Variants in STOX2 observed in about 807,000 individuals in gnomAD.
STOX2 encodes storkhead box 2.
A neutral mutation model predicts 60.9 loss-of-function variants in STOX2; 28 were observed. The ratio of observed to expected loss-of-function variants is 0.46; its 90% confidence interval spans 0.34 to 0.63. The LOEUF (loss-of-function observed/expected upper bound fraction) is 0.63, where lower values mean the gene tolerates loss of function less well. Ranked by LOEUF, STOX2 falls within the 30% of genes least tolerant of loss-of-function variation. The probability of loss-of-function intolerance (pLI) is 0.01; values close to 1 mark genes in which losing one functional copy is unlikely to be tolerated. For missense variants in STOX2, 1,024 were observed against 1,187.7 expected, an observed-to-expected ratio of 0.86 and a Z score of 2.03; for synonymous variants, 472 against 463.9, an observed-to-expected ratio of 1.02 and a Z score of -0.22.
chr4:183,872,725 A>G (rs1740723232), intron 1 of STOX2, among the ~76,000 whole-genome samples: 1 of 152,170 alleles, frequency 6.6e-6, no homozygotes, highest in South Asian at 2.1e-4. Flanking sequence ...GTAAATAAAC[A>G]AGATAAACCC....
chr4:184,001,192 T>A lies in STOX2; in HGVS notation c.167-133T>A. 1 of 776,944 alleles carries A rather than the reference T, an allele frequency of 1.3e-6. No individual in the cohort carries two copies. Among genetic ancestry groups the A allele is most frequent in the South Asian group, 1.9e-5 (1 of 52,266 alleles). 48.1% of individuals were successfully genotyped at this position (776,944 alleles called of 1,614,324 possible). On this transcript the variant is annotated intron_variant, in intron 1 of 3. Transcript: ENST00000308497. This position sits in a 1 kb window ranked among gnomAD's most constrained non-coding sequence, Gnocchi z 4.2. Reference sequence around the variant, plus strand: ...TGTGGCTTCTGTGTTCAGAGTGGAATTGGCAAGCAGCTGCTATGTTCGGAG... The same window carrying A: ...TGTGGCTTCTGTGTTCAGAGTGGAAATGGCAAGCAGCTGCTATGTTCGGAG...
chr4:183,873,974 G>A (rs953448512), intron 1 of STOX2, among the ~76,000 whole-genome samples: 2 of 152,158 alleles, frequency 1.3e-5, no homozygotes, highest in African/African-American at 2.4e-5. Context: ...GCTGAGGTCC[G>A]GGTACTTGCC....
At chr4:183,893,857 C>G (rs578188532) in intron 1 of STOX2, among the ~76,000 whole-genome samples, 2 of 152,274 alleles carry the variant, frequency 1.3e-5, no homozygotes, top group Admixed American at 6.5e-5. Context: ...GCATTTTGTT[C>G]TAGTGTAATT....
At chr4:183,895,629 C>A (rs1379378584) in intron 1 of STOX2, among the ~76,000 whole-genome samples, 1 of 152,224 alleles carries the variant, frequency 6.6e-6, no homozygotes, top group Non-Finnish European at 1.5e-5. Context: ...CCTTAGGAGG[C>A]AGATTCCTTA....
chr4:184,011,743 A>T lies in STOX2; in HGVS notation c.2585+320A>T. The T allele has an allele frequency of 1.2e-6, 1 of 801,166 alleles. No homozygotes were observed. Among genetic ancestry groups the T allele is most frequent in the Non-Finnish European group, 1.7e-6 (1 of 581,764 alleles). 49.6% of individuals were successfully genotyped at this position (801,166 alleles called of 1,614,324 possible). A position where few individuals can be genotyped will look rare whatever the true frequency, so the allele number is the denominator to read the frequency against. ...TATTGCCACCCATGCTAAGAGAAGG[A>T]TGTTTTTTAAGTCCTTCAAAAATAG... On this transcript the variant is annotated intron_variant, in intron 3 of 3. Coordinates refer to ENST00000308497, the MANE Select transcript of STOX2 (RefSeq NM_020225.3). The surrounding 1 kb of genome is among the most constrained non-coding windows in gnomAD (Gnocchi z 4.4).
chr4:183,834,821 C>G (rs1055896187), intron 1 of STOX2, among the ~76,000 whole-genome samples: 1 of 152,158 alleles, frequency 6.6e-6, no homozygotes, highest in Non-Finnish European at 1.5e-5. Context: ...GTGCTAGGAA[C>G]TGAGATTCCT....
At chr4:183,898,036 A>G (rs1406589956) in intron 1 of STOX2, among the ~76,000 whole-genome samples, 1 of 152,188 alleles carries the variant, frequency 6.6e-6, no homozygotes, top group Non-Finnish European at 1.5e-5. Flanking sequence ...ATAGGATTAC[A>G]TATATTTTAT....
At chr4:184,007,134 T>C (rs1263848040) in intron 2 of STOX2, among the ~76,000 whole-genome samples, 4 of 151,674 alleles carry the variant, frequency 2.6e-5, no homozygotes, top group African/African-American at 9.7e-5. Context: ...AAGGAAACCA[T>C]GCGACTCAAA....
intron 1 of STOX2, among the ~76,000 whole-genome samples, chr4:183,916,434 ATCACTTATTT>A (rs1378533835): frequency 3.9e-5 from 6 of 152,190 alleles, no homozygotes; most frequent in Admixed American, 1.3e-4. Context: ...ACTTGGAGAA[ATCACTTATTT>A]TCTCAGGACC....
At chr4:183,958,731 C>T (rs1366502260) in intron 1 of STOX2, among the ~76,000 whole-genome samples, 2 of 152,174 alleles carry the variant, frequency 1.3e-5, no homozygotes, top group Non-Finnish European at 2.9e-5. Flanking sequence ...ACCTTTAACA[C>T]CCCAAGTAGC....
chr4:183,850,116 A>G (rs994872418), intron 1 of STOX2, among the ~76,000 whole-genome samples: 3 of 151,984 alleles, frequency 2.0e-5, no homozygotes, highest in Admixed American at 6.6e-5. Context: ...GGCTCCAGCC[A>G]CCACAGCTGG....
intron 1 of STOX2, among the ~76,000 whole-genome samples, chr4:183,913,064 G>T (rs778275482): frequency 5.3e-5 from 8 of 152,116 alleles, no homozygotes; most frequent in Non-Finnish European, 1.0e-4. Flanking sequence ...GAGAACAGAA[G>T]GACGTTGCTT....
At chr4:183,803,066 C>T (rs1475684843) in intron 1 of STOX2, among the ~76,000 whole-genome samples, 1 of 152,236 alleles carries the variant, frequency 6.6e-6, no homozygotes, top group Non-Finnish European at 1.5e-5. Flanking sequence ...GAGCAAGTCA[C>T]ATCTTACGTG....
intron 1 of STOX2, among the ~76,000 whole-genome samples, chr4:183,907,381 G>A (rs1741651705): frequency 6.6e-6 from 1 of 152,196 alleles, no homozygotes; most frequent in Non-Finnish European, 1.5e-5. Flanking sequence ...GGTTCCATGC[G>A]CAGCTCTGGA....
chr4:183,916,553 C>G (rs771382327), intron 1 of STOX2, among the ~76,000 whole-genome samples: 2 of 152,100 alleles, frequency 1.3e-5, no homozygotes, highest in Non-Finnish European at 2.9e-5. Flanking sequence ...AAGCTTGGTA[C>G]AATGGAAGCA....
At position 184,023,302 on chromosome 4, in the gene STOX2, T is replaced by G. The variant is rs1251830966; in HGVS notation, c.*6018T>G. The G allele has an allele frequency of 6.6e-6, 1 of 152,224 alleles. No individual in the cohort carries two copies. The highest frequency in any genetic ancestry group is 2.4e-5 in the African/African-American group (1 of 41,462). 9.4% of individuals were successfully genotyped at this position (152,224 alleles called of 1,614,324 possible). A position where few individuals can be genotyped will look rare whatever the true frequency, so the allele number is the denominator to read the frequency against. ...TTACTGATTTATAACAGCACATTTG[T>G]AACATGGTTTTTATCGTGTCAGTGT... On this transcript the variant is annotated 3_prime_UTR_variant, in exon 4 of 4. Transcript: ENST00000308497.
At chr4:183,904,786 C>T (rs1446287497), upstream of STOX2, among the ~76,000 whole-genome samples, 1 of 152,216 alleles carries the variant, frequency 6.6e-6, no homozygotes, top group East Asian at 1.9e-4. Context: ...AAGATAGTTG[C>T]TACCCCCCTC....
At chr4:183,820,150 C>G (rs1350794508) in intron 1 of STOX2, among the ~76,000 whole-genome samples, 1 of 152,106 alleles carries the variant, frequency 6.6e-6, no homozygotes, top group African/African-American at 2.4e-5. Context: ...GTCTCGAACT[C>G]CTGACCTCAA....
Position 183,827,245 on chromosome 4 carries a change from C to T in STOX2, c.364+29190C>T, listed in dbSNP as rs1739455784. 4.6e-5 allele frequency among the ~76,000 whole-genome samples: 7 copies of T among 152,136 alleles called. No individual in the cohort carries two copies. In the South Asian group the frequency reaches 1.4e-3, roughly 31 times the overall value. On this transcript the variant is annotated intron_variant, in intron 1 of 2. Coordinates refer to the STOX2 transcript ENST00000513034. ...GGGTGCGGTGGCTCACATCTGTAATCCTAGCACTTTGGGAGGCCAAGGAGG... is the reference window on the plus strand; with the variant it reads ...GGGTGCGGTGGCTCACATCTGTAATTCTAGCACTTTGGGAGGCCAAGGAGG...
Sources: gnomAD v4.1 joint callset for allele counts (sites outside exome capture counted in the v4.1 genomes callset) on GRCh38, gnomAD v4.1.1 for gene constraint, Gnocchi (gnomAD v3.1) non-coding constraint, MANE v1.5 for transcripts, NCBI Gene and HGNC (gene_info 2026-07-23, HGNC 2026-07-21) for gene names.